AGBL1: variants seen among roughly 807,000 people sequenced by gnomAD.
AGBL1 encodes the protein cytosolic carboxypeptidase 4.
AGBL1 carries 130 observed loss-of-function variants against 118.9 expected under a neutral mutation model. The observed-to-expected ratio is 1.09, with a 90% CI of 0.95 to 1.26. The LOEUF (loss-of-function observed/expected upper bound fraction) is 1.26, where lower values mean the gene tolerates loss of function less well. Among genes scored for constraint, AGBL1 ranks in the 50% most tolerant of loss-of-function variants. The pLI is 0.00. For synonymous variants in AGBL1, 555 were observed against 478.9 expected (o/e 1.16, Z -2.08); for missense variants, 1,584 against 1,298.1 (o/e 1.22, Z -3.38).
rs868484037 is a variant in AGBL1, at chr15:86,410,813, T to G, written c.2555+13267T>G. Among the ~76,000 whole-genome samples the G allele has an allele frequency of 2.9e-3, 262 of 89,604 alleles. 9 individuals carry two copies. Among genetic ancestry groups the G allele is most frequent in the Non-Finnish European group, 4.5e-3 (222 of 49,468 alleles). The allele number at this position is 89,604 out of a possible 152,430, so 58.8% of individuals were successfully genotyped here. Reference sequence around the variant, plus strand: ...AGAGACAAGGTCAAATGTAGATATATATATATATATATATATATATATATA... The same window carrying G: ...AGAGACAAGGTCAAATGTAGATATAGATATATATATATATATATATATATA... On this transcript the variant is annotated intron_variant, in intron 18 of 22. Coordinates refer to ENST00000614907, the MANE Select transcript of AGBL1 (RefSeq NM_001386094.1).
At chr15:86,565,870 C>G (rs1031954460) in intron 21 of AGBL1, among the ~76,000 whole-genome samples, 1 of 152,202 alleles carries the variant, frequency 6.6e-6, no homozygotes, top group Admixed American at 6.5e-5. Context: ...CCTTGCAGTT[C>G]GATCTCAGAC....
At chr15:86,745,550 C>T (rs2077743950) in intron 22 of AGBL1, among the ~76,000 whole-genome samples, 2 of 151,886 alleles carry the variant, frequency 1.3e-5, no homozygotes, top group South Asian at 4.2e-4. Flanking sequence ...TTTTTTGGAC[C>T]AAAATCTTGG....
chr15:86,433,223 T>TCTTCTTCTC (rs1229920479), intron 18 of AGBL1, among the ~76,000 whole-genome samples: 6 of 147,624 alleles, frequency 4.1e-5, no homozygotes, highest in Non-Finnish European at 7.5e-5. Flanking sequence ...CTCTTCTTCT[T>TCTTCTTCTC]CTTCTTCTCC....
chr15:86,662,522 G>C (rs1473739741), intron 21 of AGBL1, among the ~76,000 whole-genome samples: 2 of 152,198 alleles, frequency 1.3e-5, no homozygotes, highest in Non-Finnish European at 1.5e-5. Context: ...GAGAGATCTT[G>C]CTGGAGAGTG....
intron 18 of AGBL1, among the ~76,000 whole-genome samples, chr15:86,519,066 T>C (rs2083155538): frequency 1.3e-5 from 2 of 152,146 alleles, no homozygotes; most frequent in South Asian, 4.1e-4. Context: ...CTGTAACTTA[T>C]TTTCAGTGAA....
intron 17 of AGBL1, among the ~76,000 whole-genome samples, chr15:86,355,763 A>G (rs1374555801): frequency 6.6e-6 from 1 of 152,200 alleles, no homozygotes; most frequent in African/African-American, 2.4e-5. Context: ...GAAGGGGGGC[A>G]TGAGGCTTTG....
At chr15:87,013,210 T>TAATC (rs1292179457) in intron 24 of AGBL1, among the ~76,000 whole-genome samples, 1 of 152,194 alleles carries the variant, frequency 6.6e-6, no homozygotes, top group Non-Finnish European at 1.5e-5. Flanking sequence ...TTTTATTAAA[T>TAATC]AATCATAAAA....
intron 17 of AGBL1, among the ~76,000 whole-genome samples, chr15:86,322,914 G>A (rs950377297): frequency 2.6e-5 from 4 of 152,066 alleles, no homozygotes; most frequent in African/African-American, 7.2e-5. Context: ...TTTGTATTAC[G>A]TTTGTGGCTT....
chr15:86,729,288 G>T (rs776755570), intron 22 of AGBL1, among the ~76,000 whole-genome samples: 1 of 152,000 alleles, frequency 6.6e-6, no homozygotes, highest in Non-Finnish European at 1.5e-5. Flanking sequence ...TGTTTCTTTG[G>T]CTCTTTATTT....
intron 24 of AGBL1, among the ~76,000 whole-genome samples, chr15:87,015,506 T>A (rs2347463): frequency 0.1 from 15,593 of 152,064 alleles, 1,576 homozygotes; most frequent in African/African-American, 0.26. Context: ...AGTTCACCCT[T>A]CCAAGCTATG....
Position 86,262,582 on chromosome 15 carries a change from G to T in AGBL1, c.970-196G>T. On this transcript the variant is annotated intron_variant, in intron 9 of 22. Transcript: ENST00000614907. Reference sequence around the variant, plus strand: ...AATACTGACATAAATGCTGAGACAAGTCCTTTATCTTCTTTCTTTTTATTT... The same window carrying T: ...AATACTGACATAAATGCTGAGACAATTCCTTTATCTTCTTTCTTTTTATTT... 3 of 649,212 alleles carry T rather than the reference G, an allele frequency of 4.6e-6. No individual in the cohort carries two copies. In the South Asian group the frequency reaches 4.7e-5, roughly 10 times the overall value. The allele number at this position is 649,212 out of a possible 1,614,324, so 40.2% of individuals were successfully genotyped here. A position where few individuals can be genotyped will look rare whatever the true frequency, so the allele number is the denominator to read the frequency against.
In AGBL1 at chr15:86,258,022, G is replaced by A. The variant is rs769832023; in HGVS notation, c.960G>A (p.Gly320=). The change falls in exon 9 of 23, where the codon GGG becomes GGA. Residue 320 remains glycine (G), a synonymous_variant. Coordinates refer to ENST00000614907, the MANE Select transcript of AGBL1 (RefSeq NM_001386094.1). ...EVDKDSDTED[G]KVEDDDLETD... is the part of the protein sequence containing the mutation. The stretch of plus-strand genomic sequence containing the variant: ...ACAAAGACTCTGATACTGAAGATGG[G>A]AAAGTGGAAGTAGGTACACCAGCCC... 6.2e-7 allele frequency: 1 copy of A among 1,613,670 alleles called. No individual in the cohort carries two copies. The highest frequency in any genetic ancestry group is 1.1e-5 in the South Asian group (1 of 91,018).
chr15:86,512,392 A>G (rs939898832), intron 18 of AGBL1, among the ~76,000 whole-genome samples: 5 of 151,932 alleles, frequency 3.3e-5, no homozygotes, highest in African/African-American at 1.2e-4. Flanking sequence ...GTTTTTCTGG[A>G]CATCAAATCA....
At chr15:86,186,432 C>G (rs954742495) in intron 5 of AGBL1, among the ~76,000 whole-genome samples, 7 of 152,222 alleles carry the variant, frequency 4.6e-5, no homozygotes, top group African/African-American at 1.4e-4. Context: ...CTGGACCTCA[C>G]GTCCTGATCA....
chr15:86,418,896 G>A (rs140051843), intron 18 of AGBL1, among the ~76,000 whole-genome samples: 2 of 152,182 alleles, frequency 1.3e-5, no homozygotes, highest in Non-Finnish European at 2.9e-5. Context: ...TGTTACATAT[G>A]GGCCCAAATC....
intron 22 of AGBL1, among the ~76,000 whole-genome samples, chr15:86,776,866 ATG>A (rs1415896785): frequency 1.3e-5 from 2 of 151,382 alleles, no homozygotes; most frequent in African/African-American, 4.9e-5. Context: ...ACACGGGAGT[ATG>A]TATTATTTTT....
intron 21 of AGBL1, among the ~76,000 whole-genome samples, chr15:86,565,701 T>C (rs1409003540): frequency 1.3e-5 from 2 of 152,192 alleles, no homozygotes; most frequent in Non-Finnish European, 2.9e-5. Flanking sequence ...TCTGCTGCCT[T>C]TTGTTTGGCT....
chr15:86,809,907 TAAA>T (rs1256238651), intron 22 of AGBL1, among the ~76,000 whole-genome samples: 4 of 152,156 alleles, frequency 2.6e-5, no homozygotes, highest in African/African-American at 7.2e-5. Context: ...GTTTGGCCAA[TAAA>T]AGCTCTGCTG....
intron 24 of AGBL1, among the ~76,000 whole-genome samples, chr15:86,988,752 CTT>C (rs2081309363): frequency 6.6e-6 from 1 of 151,988 alleles, no homozygotes; most frequent in African/African-American, 2.4e-5. Context: ...AAATTTTGGT[CTT>C]ATGTTTAGAA....
Sources: gnomAD v4.1 joint callset for allele counts (sites outside exome capture counted in the v4.1 genomes callset) on GRCh38, gnomAD v4.1.1 for gene constraint, MANE v1.5 for transcripts, NCBI Gene and HGNC (gene_info 2026-07-23, HGNC 2026-07-21) for gene names.